The following LHPP variants were observed in gnomAD, a reference collection of about 807,000 sequenced individuals.
LHPP encodes phospholysine phosphohistidine inorganic pyrophosphate phosphatase.
A neutral mutation model predicts 30.3 loss-of-function variants in LHPP; 24 were observed. That is an observed-to-expected ratio of 0.79 (90% CI 0.57 to 1.11). LHPP has a LOEUF of 1.11. LHPP is among the 50% of genes most tolerant of loss of function. The probability of loss-of-function intolerance (pLI) is 0.00; values close to 1 mark genes in which losing one functional copy is unlikely to be tolerated. For missense variants in LHPP, 356 were observed against 367.2 expected (o/e 0.97, Z 0.25); for synonymous variants, 150 against 157.1 (o/e 0.95, Z 0.34).
chr10:124,489,654 A>G (rs375919603), intron 3 of LHPP, among the ~76,000 whole-genome samples: 66 of 151,946 alleles, frequency 4.3e-4, no homozygotes, highest in East Asian at 2.9e-3. Context: ...GGGTTTCACC[A>G]TGTTGGCCAG....
In LHPP at chr10:124,517,965, T is replaced by C. The variant is rs1403193417; in HGVS notation, c.716+694T>C. ...TGGCCATTCAGAGAAAGTACATCTT[T>C]GCAGATGCTGGGGAGACTTGGTTGA... On this transcript the variant is annotated intron_variant, in intron 6 of 6. Coordinates refer to ENST00000368842, the MANE Select transcript of LHPP (RefSeq NM_022126.4). This position sits in a 1 kb window ranked among gnomAD's most constrained non-coding sequence, Gnocchi z 4.1. Among the ~76,000 whole-genome samples the C allele has an allele frequency of 6.6e-6, 1 of 152,214 alleles. No individual in the cohort carries two copies. The highest frequency in any genetic ancestry group is 1.5e-5 in the Non-Finnish European group (1 of 68,034).
At chr10:124,578,970 G>T (rs1324291299) in intron 6 of LHPP, among the ~76,000 whole-genome samples, 1 of 147,862 alleles carries the variant, frequency 6.8e-6, no homozygotes, top group Non-Finnish European at 1.5e-5. Context: ...GGACGGGGGG[G>T]TCCGCTGTGT....
At chr10:124,542,995 C>T (rs1432247867) in intron 6 of LHPP, among the ~76,000 whole-genome samples, 1 of 152,168 alleles carries the variant, frequency 6.6e-6, no homozygotes, top group African/African-American at 2.4e-5. Context: ...CTGTCGTTGC[C>T]CCTGCACTGC....
At chr10:124,479,702 CAT>C (rs1953067009) in intron 1 of LHPP, among the ~76,000 whole-genome samples, 1 of 152,218 alleles carries the variant, frequency 6.6e-6, no homozygotes, top group African/African-American at 2.4e-5. Context: ...CTGATCCTGT[CAT>C]GTGGGAGTCC....
chr10:124,492,726 A>G (rs1589788050), intron 3 of LHPP, among the ~76,000 whole-genome samples: 1 of 152,170 alleles, frequency 6.6e-6, no homozygotes, highest in African/African-American at 2.4e-5. Flanking sequence ...TTAAACTTAC[A>G]CCCATTGCAA....
At chr10:124,494,532 C>T (rs1445737739) in intron 3 of LHPP, among the ~76,000 whole-genome samples, 1 of 152,204 alleles carries the variant, frequency 6.6e-6, no homozygotes, top group Non-Finnish European at 1.5e-5. Context: ...CCTCGATGCC[C>T]TCCTTCTCCT....
rs1003421871 is a variant in LHPP at position 124,541,830 on chromosome 10, C to T, written c.716+24559C>T. Among the ~76,000 whole-genome samples the T allele has an allele frequency of 6.6e-6, 1 of 152,006 alleles. No individual in the cohort carries two copies. ...GGAGTGGGCTGGGCGGGCCAGGCCCCGGCCCAGATGGGGTGACCTTTCCTT... is the reference window on the plus strand; with the variant it reads ...GGAGTGGGCTGGGCGGGCCAGGCCCTGGCCCAGATGGGGTGACCTTTCCTT... On this transcript the variant is annotated intron_variant, in intron 6 of 6. Transcript: ENST00000368842. The surrounding 1 kb of genome is among the most constrained non-coding windows in gnomAD (Gnocchi z 4.2).
At chr10:124,498,666 T>TC in intron 5 of LHPP, 3 of 428,510 alleles carry the variant, frequency 7.0e-6, no homozygotes, top group Non-Finnish European at 1.3e-5. Flanking sequence ...TTTTCTTTTT[T>TC]TTTTTTTTTT....
chr10:124,488,594 G>C lies in LHPP; in HGVS notation c.467+19G>C. The C allele has an allele frequency of 6.3e-7, 1 of 1,598,524 alleles. No homozygotes were observed. Among genetic ancestry groups the C allele is most frequent in the Non-Finnish European group, 8.5e-7 (1 of 1,174,892 alleles). ...GAAAAGGGTAAGTTGGCTCCAGGGA[G>C]AGTCATTTCTCGGTGCTTTAGATGA... On this transcript the variant is annotated intron_variant, in intron 3 of 6. Transcript: ENST00000368842.
Position 124,497,042 on chromosome 10 carries a change from G to C in LHPP, c.531+18G>C, listed in dbSNP as rs1340119985. Reference sequence around the variant, plus strand: ...CGCTTGAGGTACCAGCCCTGGTTCTGTCCCAAACTCTCTTCAGACCTCAGG... The same window carrying C: ...CGCTTGAGGTACCAGCCCTGGTTCTCTCCCAAACTCTCTTCAGACCTCAGG... On this transcript the variant is annotated intron_variant, in intron 4 of 6. Coordinates refer to ENST00000368842, the MANE Select transcript of LHPP (RefSeq NM_022126.4). The C allele has an allele frequency of 4.4e-6, 7 of 1,608,536 alleles. No individual in the cohort carries two copies. Among genetic ancestry groups the C allele is most frequent in the Non-Finnish European group, 5.1e-6 (6 of 1,175,488 alleles).
chr10:124,477,646 T>G (rs1464468415), intron 1 of LHPP, among the ~76,000 whole-genome samples: 1 of 152,198 alleles, frequency 6.6e-6, no homozygotes, highest in East Asian at 1.9e-4. Flanking sequence ...TGCTGGGTAC[T>G]GGGTACTGTG....
rs1335134934 is a variant in LHPP at position 124,510,556 on chromosome 10, G to A, written c.625-6624G>A. Among the ~76,000 whole-genome samples, 1 of 152,220 alleles carries A rather than the reference G, an allele frequency of 6.6e-6. No individual in the cohort carries two copies. The highest frequency in any genetic ancestry group is 2.4e-5 in the African/African-American group (1 of 41,446). On this transcript the variant is annotated intron_variant, in intron 5 of 6. Coordinates refer to ENST00000368842, the MANE Select transcript of LHPP (RefSeq NM_022126.4). The surrounding 1 kb of genome is among the most constrained non-coding windows in gnomAD (Gnocchi z 4.0). ...ACGTTCCTCTGGTCCTGTCTCCGTGGGCCACATCCACAAATGTTCCAGCCC... is the reference window on the plus strand; with the variant it reads ...ACGTTCCTCTGGTCCTGTCTCCGTGAGCCACATCCACAAATGTTCCAGCCC...
chr10:124,580,516 A>G (rs554068505), intron 6 of LHPP, among the ~76,000 whole-genome samples: 1 of 152,220 alleles, frequency 6.6e-6, no homozygotes, highest in East Asian at 1.9e-4. Context: ...TGAGTAGTCC[A>G]CCTTTTCTCT....
intron 6 of LHPP, among the ~76,000 whole-genome samples, chr10:124,546,559 C>T (rs569753743): frequency 1.6e-3 from 239 of 152,066 alleles, no homozygotes; most frequent in Non-Finnish European, 1.7e-3. Flanking sequence ...CCTGCCACCA[C>T]GCCCGGCTAA....
chr10:124,606,044 G>C (rs1270346751), intron 6 of LHPP, among the ~76,000 whole-genome samples: 1 of 152,186 alleles, frequency 6.6e-6, no homozygotes, highest in Non-Finnish European at 1.5e-5. Flanking sequence ...GCAAGGATGG[G>C]GGAGGTACCT....
intron 5 of LHPP, among the ~76,000 whole-genome samples, chr10:124,502,730 A>G (rs1438800731): frequency 1.4e-5 from 2 of 138,456 alleles, no homozygotes; most frequent in Non-Finnish European, 3.1e-5. Context: ...CTGGAGTACA[A>G]TAGCATGATC....
intron 6 of LHPP, among the ~76,000 whole-genome samples, chr10:124,527,171 G>A (rs1462392858): frequency 6.6e-6 from 1 of 152,218 alleles, no homozygotes; most frequent in Non-Finnish European, 1.5e-5. Flanking sequence ...GGCCAGGGCT[G>A]GTGGCGCTTA....
intron 1 of LHPP, among the ~76,000 whole-genome samples, chr10:124,469,110 A>G (rs1952646608): frequency 6.6e-6 from 1 of 152,038 alleles, no homozygotes; most frequent in Non-Finnish European, 1.5e-5. Context: ...CTTGATATGT[A>G]CAGCCTGCTT....
chr10:124,488,687 C>G lies in LHPP; in HGVS notation c.467+112C>G, dbSNP rs1025440899. The G allele has an allele frequency of 4.6e-5, 40 of 862,784 alleles. 1 individual carries two copies. The highest frequency in any genetic ancestry group is 3.0e-4 in the Middle Eastern group (1 of 3,328). 53.4% of individuals were successfully genotyped at this position (862,784 alleles called of 1,614,324 possible). ...TGCAGAAGGGGAGGTGGGAGGAGCA[C>G]CGGTGATCTTCTTTTCCCTCCCTTT... On this transcript the variant is annotated intron_variant, in intron 3 of 6. Coordinates refer to ENST00000368842, the MANE Select transcript of LHPP (RefSeq NM_022126.4).
Sources: gnomAD v4.1 joint callset for allele counts (sites outside exome capture counted in the v4.1 genomes callset) on GRCh38, gnomAD v4.1.1 for gene constraint, Gnocchi (gnomAD v3.1) non-coding constraint, MANE v1.5 for transcripts, NCBI Gene and HGNC (gene_info 2026-07-23, HGNC 2026-07-21) for gene names.